SPATA7: variants seen among roughly 807,000 people sequenced by gnomAD.
SPATA7 encodes spermatogenesis-associated protein 7.
In SPATA7, 43 loss-of-function variants were observed where a neutral mutation model predicts 51.8. That is an observed-to-expected ratio of 0.83 (90% CI 0.65 to 1.07). SPATA7 has a LOEUF of 1.07. SPATA7 is among the 50% of genes least tolerant of loss of function. SPATA7 has a pLI of 0.00. For missense variants in SPATA7, 683 were observed against 701.3 expected (o/e 0.97, Z 0.30); for synonymous variants, 230 against 252.8 (o/e 0.91, Z 0.86).
At chr14:88,432,994 A>C (rs1183893411) in intron 9 of SPATA7, 141 bp from the exon 10 acceptor site, 1 of 652,524 alleles carries the variant, frequency 1.5e-6, no homozygotes, top group African/African-American at 1.8e-5. Flanking sequence ...TTTGTTTTGT[A>C]ATATTCCCCT....
At chr14:88,386,407 C>A (rs1159643536) in intron 1 of SPATA7, among the ~76,000 whole-genome samples, 1 of 152,162 alleles carries the variant, frequency 6.6e-6, no homozygotes, top group Non-Finnish European at 1.5e-5. Context: ...AATAGGAATC[C>A]CCTCAGGGTC....
chr14:88,437,679 C>T (rs1034826970), intron 11 of SPATA7, 82 bp downstream of exon 11: 8 of 1,352,952 alleles, frequency 5.9e-6, no homozygotes, highest in African/African-American at 3.0e-5. Context: ...TCAAACAATA[C>T]ATTAAAAGCA....
At chr14:88,390,229 T>TC (rs1369691077) in intron 1 of SPATA7, among the ~76,000 whole-genome samples, 1 of 151,886 alleles carries the variant, frequency 6.6e-6, no homozygotes, top group Non-Finnish European at 1.5e-5. Context: ...AGAAATCAAC[T>TC]CATACTGGTT....
chr14:88,438,991 A>C (rs746055127), downstream of SPATA7, among the ~76,000 whole-genome samples: 2 of 152,210 alleles, frequency 1.3e-5, no homozygotes, highest in Non-Finnish European at 2.9e-5. Context: ...GGGAATATAT[A>C]CAAGGGTGTG....
At chr14:88,416,013 A>G (rs2076465502) in intron 4 of SPATA7, 1 of 152,428 alleles carries the variant, frequency 6.6e-6, no homozygotes, top group Admixed American at 6.5e-5. Flanking sequence ...CGTTCTTGCC[A>G]TATGAAATGC....
At chr14:88,416,925 A>G (rs562045356) in intron 5 of SPATA7, 81 bp downstream of exon 5, 740 of 1,304,866 alleles carry the variant, frequency 5.7e-4, no homozygotes, top group Non-Finnish European at 6.6e-4. Context: ...TGTTTACTAT[A>G]GTTTAGGGTC....
chr14:88,414,992 G>C (rs568702419), intron 4 of SPATA7, among the ~76,000 whole-genome samples: 1 of 152,130 alleles, frequency 6.6e-6, no homozygotes, highest in East Asian at 1.9e-4. Flanking sequence ...TGATCTTAGA[G>C]TATGTTCCAC....
At chr14:88,462,225 T>C (rs2077322289) in intron 4 of SPATA7, among the ~76,000 whole-genome samples, 1 of 152,240 alleles carries the variant, frequency 6.6e-6, no homozygotes, top group South Asian at 2.1e-4. Flanking sequence ...ATGGTCACAG[T>C]CTGACCTGTA....
chr14:88,462,669 T>C (rs1017854154), intron 4 of SPATA7, among the ~76,000 whole-genome samples: 1 of 152,264 alleles, frequency 6.6e-6, no homozygotes, highest in East Asian at 1.9e-4. Flanking sequence ...CCAGTGCAGC[T>C]ACACCACATT....
chr14:88,416,885 A>T, intron 5 of SPATA7, 41 bp downstream of exon 5: 1 of 1,534,292 alleles, frequency 6.5e-7, no homozygotes, highest in Non-Finnish European at 9.0e-7. Flanking sequence ...AATGTTTCTA[A>T]GGTACTTCTT....
chr14:88,433,284 T>A, intron 10 of SPATA7, 72 bp downstream of exon 10: 1 of 1,073,594 alleles, frequency 9.3e-7, no homozygotes. Flanking sequence ...TCATATGATG[T>A]TAAAATTTTA....
intron 4 of SPATA7, among the ~76,000 whole-genome samples, chr14:88,402,959 C>CAAAAAAAAAAAAAAAAAAAAAAAAAA (rs56330042): frequency 1.6e-5 from 1 of 62,018 alleles, no homozygotes; most frequent in African/African-American, 5.1e-5. Context: ...AACTCAATAG[C>CAAAAAAAAAAAAAAAAAAAAAAAAAA]AAAAAAAAAA....
In SPATA7 at chr14:88,468,174, ACT is replaced by A. The variant is rs773632896; in HGVS notation, c.255-1670_255-1669del. On this transcript the variant is annotated intron_variant, in intron 4 of 4. Transcript: ENST00000556406. Reference sequence around the variant, plus strand: ...GGAGCTTTTCAGGAACTGGATGAGGACTCTGTACACAAATGTGTACTGGCAGA... The same window carrying A: ...GGAGCTTTTCAGGAACTGGATGAGGACTGTACACAAATGTGTACTGGCAGA... 2.5e-6 allele frequency: 4 copies of A among 1,613,410 alleles called. No individual in the cohort carries two copies. The South Asian group carries it at 4.4e-5, about 18-fold the overall frequency.
At position 88,466,379 on chromosome 14, in the gene SPATA7, G is replaced by A. The variant is rs558865823; in HGVS notation, c.255-3468G>A. The A allele has an allele frequency of 3.9e-5, 6 of 152,252 alleles. No individual in the cohort carries two copies. The South Asian group carries it at 1.2e-3, about 32-fold the overall frequency. The allele number at this position is 152,252 out of a possible 1,614,324, so 9.4% of individuals were successfully genotyped here. On this transcript the variant is annotated intron_variant, in intron 4 of 4. Coordinates refer to the SPATA7 transcript ENST00000556406. ...TTTTCCTCTTAGGTGGTTGGTTTCT[G>A]GGTAAGGCAGAGTTAGGCTGGTGCA...
At chr14:88,470,164 AAGT>A (rs1353436402) in exon 5 of SPATA7, 13 of 967,752 alleles carry the variant, frequency 1.3e-5, no homozygotes, top group Non-Finnish European at 2.0e-5. Flanking sequence ...AAAAGTAAAA[AAGT>A]AGTAAACTGG....
At position 88,385,698 on chromosome 14, in the gene SPATA7, T is replaced by C. The variant is rs531264549; in HGVS notation, c.-121T>C. The C allele has an allele frequency of 6.1e-6, 6 of 986,576 alleles. No homozygotes were observed. Among genetic ancestry groups the C allele is most frequent in the Admixed American group, 2.0e-5 (1 of 50,344 alleles). The allele number at this position is 986,576 out of a possible 1,614,324, so 61.1% of individuals were successfully genotyped here. On this transcript the variant is annotated 5_prime_UTR_variant, in exon 1 of 12. Coordinates refer to ENST00000393545, the MANE Select transcript of SPATA7 (RefSeq NM_018418.5). ...AGCAACGGCCTGGCAACGGTTTCCC[T>C]GCTGCTGCAGCCCCCGTCGGCTCCT...
chr14:88,408,489 A>G (rs2076255976), intron 4 of SPATA7, among the ~76,000 whole-genome samples: 1 of 152,208 alleles, frequency 6.6e-6, no homozygotes, highest in African/African-American at 2.4e-5. Flanking sequence ...GTTACTTATC[A>G]GCTTAAGGAG....
chr14:88,419,236 A>G (rs1308913145), intron 5 of SPATA7, among the ~76,000 whole-genome samples: 1 of 152,036 alleles, frequency 6.6e-6, no homozygotes, highest in Non-Finnish European at 1.5e-5. Context: ...TACATTAGAG[A>G]TATTAGAGAT....
At chr14:88,450,199 G>T (rs1316417800) in intron 3 of SPATA7, among the ~76,000 whole-genome samples, 1 of 151,896 alleles carries the variant, frequency 6.6e-6, no homozygotes, top group East Asian at 2.0e-4. Flanking sequence ...TATGTGTCAG[G>T]TGGGTCTCTT....
Sources: gnomAD v4.1 joint callset for allele counts (sites outside exome capture counted in the v4.1 genomes callset) on GRCh38, gnomAD v4.1.1 for gene constraint, MANE v1.5 for transcripts, NCBI Gene and HGNC (gene_info 2026-07-23, HGNC 2026-07-21) for gene names.